SLC24A3: variants seen among roughly 807,000 people sequenced by gnomAD.
SLC24A3 encodes the protein sodium/potassium/calcium exchanger 3.
In SLC24A3, 28 loss-of-function variants were observed where a neutral mutation model predicts 75.8. The observed-to-expected ratio is 0.37, with a 90% CI of 0.27 to 0.51. The LOEUF (loss-of-function observed/expected upper bound fraction) is 0.51, where lower values mean the gene tolerates loss of function less well. SLC24A3 is among the 20% of genes least tolerant of loss of function. The pLI is 0.94. For synonymous variants in SLC24A3, 372 were observed against 334.1 expected (o/e 1.11, Z -1.24); for missense variants, 663 against 847.8 (o/e 0.78, Z 2.71).
chr20:19,311,079 T>G (rs919850050), intron 2 of SLC24A3, among the ~76,000 whole-genome samples: 1 of 151,894 alleles, frequency 6.6e-6, no homozygotes, highest in Non-Finnish European at 1.5e-5. Flanking sequence ...CTTTTTTCCT[T>G]CCTTGCCTTC....
chr20:19,344,401 G>T (rs1279100166), intron 2 of SLC24A3, among the ~76,000 whole-genome samples: 4 of 152,132 alleles, frequency 2.6e-5, no homozygotes, highest in African/African-American at 9.7e-5. Context: ...TATGTACATG[G>T]CTTGGTCTTG....
intron 2 of SLC24A3, among the ~76,000 whole-genome samples, chr20:19,419,194 A>G (rs1267317411): frequency 4.6e-5 from 7 of 152,208 alleles, no homozygotes; most frequent in Non-Finnish European, 1.0e-4. Flanking sequence ...ACCACACTGC[A>G]TCTCCTGGTG....
chr20:19,252,008 A>G (rs767686366), intron 1 of SLC24A3, among the ~76,000 whole-genome samples: 3 of 152,128 alleles, frequency 2.0e-5, no homozygotes, highest in African/African-American at 4.8e-5. Context: ...TGGGATGTAT[A>G]GACCACAGAT....
Position 19,466,475 on chromosome 20 carries a change from G to A in SLC24A3, c.272-49013G>A, listed in dbSNP as rs564319201. ...TTCCATATTTGGATTGGAGAGCAAAGCATAATCCCAGCGCTAAGGGAAGCC... is the reference window on the plus strand; with the variant it reads ...TTCCATATTTGGATTGGAGAGCAAAACATAATCCCAGCGCTAAGGGAAGCC... On this transcript the variant is annotated intron_variant, in intron 2 of 16. Coordinates refer to ENST00000328041, the MANE Select transcript of SLC24A3 (RefSeq NM_020689.4). 2.6e-4 allele frequency among the ~76,000 whole-genome samples: 39 copies of A among 152,310 alleles called. No homozygotes were observed. In the South Asian group the frequency reaches 7.9e-3, roughly 31 times the overall value.
At chr20:19,400,803 C>T (rs964147027) in intron 2 of SLC24A3, among the ~76,000 whole-genome samples, 2 of 152,146 alleles carry the variant, frequency 1.3e-5, no homozygotes, top group African/African-American at 2.4e-5. Context: ...GGGCTCATGC[C>T]ATTCATTTCT....
chr20:19,559,238 TCAC>T (rs1476779723), intron 3 of SLC24A3, among the ~76,000 whole-genome samples: 1 of 152,228 alleles, frequency 6.6e-6, no homozygotes, highest in African/African-American at 2.4e-5. Context: ...CATCTTTTCA[TCAC>T]CTTCTTGTTC....
At chr20:19,485,263 G>A (rs6081613) in intron 2 of SLC24A3, among the ~76,000 whole-genome samples, 39,275 of 152,108 alleles carry the variant, frequency 0.26, 5,593 homozygotes, top group East Asian at 0.5. Context: ...CAGCAGCCTC[G>A]TTGTCTGTCA....
At chr20:19,674,179 T>A (rs1328430486) in intron 9 of SLC24A3, among the ~76,000 whole-genome samples, 1 of 152,200 alleles carries the variant, frequency 6.6e-6, no homozygotes. Context: ...AAGAGTTAGT[T>A]AAGAGACAGC....
intron 12 of SLC24A3, among the ~76,000 whole-genome samples, chr20:19,689,772 A>G (rs1352267764): frequency 6.6e-6 from 1 of 152,232 alleles, no homozygotes; most frequent in African/African-American, 2.4e-5. Flanking sequence ...TCATGCCTGT[A>G]ATCCCAGAAC....
At chr20:19,585,617 A>T (rs2031283818) in intron 6 of SLC24A3, 73 bp downstream of exon 6, 2 of 1,432,264 alleles carry the variant, frequency 1.4e-6, no homozygotes, top group Non-Finnish European at 2.0e-6. Context: ...TTTAGGCAGG[A>T]GACTGTCTTG....
At chr20:19,394,331 G>A (rs183689266) in intron 2 of SLC24A3, among the ~76,000 whole-genome samples, 74 of 152,206 alleles carry the variant, frequency 4.9e-4, no homozygotes, top group African/African-American at 1.4e-3. Flanking sequence ...CAAAACCATA[G>A]GCAACAAAAG....
At chr20:19,543,372 C>T (rs1319183023) in intron 3 of SLC24A3, among the ~76,000 whole-genome samples, 2 of 152,198 alleles carry the variant, frequency 1.3e-5, no homozygotes, top group African/African-American at 4.8e-5. Flanking sequence ...CGGCGTGTCA[C>T]AGACAATGTT....
intron 2 of SLC24A3, among the ~76,000 whole-genome samples, chr20:19,354,588 ATG>A (rs569362767): frequency 0.023 from 3,192 of 135,922 alleles, 35 homozygotes; most frequent in African/African-American, 0.047. Flanking sequence ...AAATTTGTGT[ATG>A]TGTGTGTGTG....
chr20:19,684,072 G>A, intron 10 of SLC24A3, 104 bp from the exon 11 acceptor site: 1 of 1,325,088 alleles, frequency 7.5e-7, no homozygotes, highest in East Asian at 2.3e-5. Context: ...TGGATGGGAG[G>A]AAAGAAGGGA....
intron 1 of SLC24A3, among the ~76,000 whole-genome samples, chr20:19,254,034 C>T (rs1418208374): frequency 6.6e-6 from 1 of 152,184 alleles, no homozygotes; most frequent in Non-Finnish European, 1.5e-5. Flanking sequence ...GAACTCTGGC[C>T]CATGTTGCCA....
chr20:19,525,151 TAG>T (rs750555783), intron 3 of SLC24A3, among the ~76,000 whole-genome samples: 6 of 152,168 alleles, frequency 3.9e-5, no homozygotes, highest in Non-Finnish European at 7.4e-5. Context: ...CCTTATATAG[TAG>T]AGACTCCAGA....
At chr20:19,545,187 TCA>T (rs1440553356) in intron 3 of SLC24A3, among the ~76,000 whole-genome samples, 2 of 152,170 alleles carry the variant, frequency 1.3e-5, no homozygotes, top group Non-Finnish European at 2.9e-5. Flanking sequence ...CTCAATATAC[TCA>T]CAGTGTGGGT....
intron 15 of SLC24A3, among the ~76,000 whole-genome samples, chr20:19,710,689 G>A (rs1267526957): frequency 1.3e-5 from 2 of 152,224 alleles, no homozygotes; most frequent in East Asian, 3.8e-4. Flanking sequence ...ATTCACGGAT[G>A]AGAAGGGTTT....
chr20:19,580,920 G>T (rs901605434), intron 4 of SLC24A3, among the ~76,000 whole-genome samples: 3 of 152,172 alleles, frequency 2.0e-5, no homozygotes, highest in Non-Finnish European at 4.4e-5. Context: ...ACCTGATCCA[G>T]TAGGTCTTGG....
Sources: allele counts gnomAD v4.1 joint callset (sites outside exome capture counted in the v4.1 genomes callset), GRCh38; gene constraint gnomAD v4.1.1; transcripts MANE v1.5; gene names NCBI Gene and HGNC (gene_info 2026-07-23, HGNC 2026-07-21).